The following YEATS2 variants were observed in gnomAD, a reference collection of about 807,000 sequenced individuals.
YEATS2 encodes the protein YEATS domain containing 2.
YEATS2 carries 77 observed loss-of-function variants against 163.2 expected under a neutral mutation model. The observed-to-expected ratio is 0.47, with a 90% CI of 0.39 to 0.57. YEATS2 has a LOEUF of 0.57. YEATS2 is among the 20% of genes least tolerant of loss of function. The probability of loss-of-function intolerance (pLI) is 0.00; values close to 1 mark genes in which losing one functional copy is unlikely to be tolerated. For missense variants in YEATS2, 1,549 were observed against 1,729.8 expected, an observed-to-expected ratio of 0.90 and a Z score of 1.85; for synonymous variants, 631 against 645.1, an observed-to-expected ratio of 0.98 and a Z score of 0.33.
chr3:183,722,832 T>G (rs1176973325), intron 5 of YEATS2, among the ~76,000 whole-genome samples: 1 of 152,024 alleles, frequency 6.6e-6, no homozygotes, highest in Non-Finnish European at 1.5e-5. Flanking sequence ...TTTTGTATTT[T>G]TAGTAGAGAC....
Position 183,798,957 on chromosome 3 carries a change from TC to T in YEATS2, c.3297del (p.Ser1100AlafsTer10). The T allele has an allele frequency of 6.2e-7, 1 of 1,614,186 alleles. No individual in the cohort carries two copies. The highest frequency in any genetic ancestry group is 8.5e-7 in the Non-Finnish European group (1 of 1,180,006). On this transcript the variant is annotated frameshift_variant, in exon 23 of 31. Coordinates refer to ENST00000305135, the MANE Select transcript of YEATS2 (RefSeq NM_018023.5). LOFTEE classifies it high-confidence loss of function. The part of the protein sequence containing the change: ...ILPVAAPTPV[V>X]PSSAPAAVAK... ...CCTGTAGCTGCCCCAACTCCAGTTG[TC>T]CCCAGCTCTGCTCCAGCAGCTGTTG...
At chr3:183,780,632 G>T (rs1246645308) in intron 19 of YEATS2, among the ~76,000 whole-genome samples, 1 of 152,162 alleles carries the variant, frequency 6.6e-6, no homozygotes, top group African/African-American at 2.4e-5. Context: ...AAATGTTTAT[G>T]CAGTGAACTC....
intron 1 of YEATS2, among the ~76,000 whole-genome samples, chr3:183,712,109 C>T (rs927590824): frequency 1.3e-5 from 2 of 151,194 alleles, no homozygotes; most frequent in Non-Finnish European, 2.9e-5. Flanking sequence ...TGAGCCACTG[C>T]ACCCGGCCTA....
In YEATS2 at chr3:183,760,313, A is replaced by ATTT. The variant is rs11417378; in HGVS notation, c.1657-1171_1657-1169dup. ...TTGAGAATTAAAGAGAAACTACAGAATTTTTTTTTTTTTTTTTTTTTTTTT... is the reference window on the plus strand; with the variant it reads ...TTGAGAATTAAAGAGAAACTACAGAATTTTTTTTTTTTTTTTTTTTTTTTTTTT... On this transcript the variant is annotated intron_variant, in intron 13 of 30. Coordinates refer to ENST00000305135, the MANE Select transcript of YEATS2 (RefSeq NM_018023.5). Among the ~76,000 whole-genome samples, 349 of 110,208 alleles carry ATTT rather than the reference A, an allele frequency of 3.2e-3. 7 individuals carry two copies. The highest frequency in any genetic ancestry group is 5.4e-3 in the Admixed American group (51 of 9,420). 72.3% of individuals were successfully genotyped at this position (110,208 alleles called of 152,430 possible). A position where few individuals can be genotyped will look rare whatever the true frequency, so the allele number is the denominator to read the frequency against.
At chr3:183,736,062 A>T (rs1383282057) in intron 7 of YEATS2, among the ~76,000 whole-genome samples, 2 of 152,182 alleles carry the variant, frequency 1.3e-5, no homozygotes, top group Admixed American at 1.3e-4. Flanking sequence ...TCATGTGCCC[A>T]TCACCAGTTA....
intron 24 of YEATS2, chr3:183,800,915 G>A (rs987081665): frequency 4.9e-6 from 1 of 203,768 alleles, no homozygotes; most frequent in Non-Finnish European, 1.0e-5. Flanking sequence ...TTGTGACTGG[G>A]TGTCCACACA....
rs767790900 is a variant in YEATS2 at position 183,806,981 on chromosome 3, C to T, written c.3900C>T (p.Ser1300=). ...NEEEVDILSL[S]EPVKINIKKE... is the part of the protein sequence containing the mutation. Reference sequence around the variant, plus strand: ...AGGAGGTGGACATCCTCAGCCTCTCCGAGCCAGTGAAGATAAACATCAAGA... The same window carrying T: ...AGGAGGTGGACATCCTCAGCCTCTCTGAGCCAGTGAAGATAAACATCAAGA... The change falls in exon 28 of 31, where the codon TCC becomes TCT. Residue 1300 remains serine, a synonymous_variant. Coordinates refer to ENST00000305135, the MANE Select transcript of YEATS2 (RefSeq NM_018023.5). The T allele has an allele frequency of 2.4e-5, 38 of 1,613,716 alleles. 1 individual carries two copies. Among genetic ancestry groups the T allele is most frequent in the South Asian group, 8.8e-5 (8 of 91,062 alleles).
At chr3:183,808,135 A>G (rs1322917357) in intron 29 of YEATS2, 31 bp downstream of exon 29, 5 of 1,544,022 alleles carry the variant, frequency 3.2e-6, no homozygotes, top group Non-Finnish European at 3.5e-6. Context: ...CCAGCCAGGA[A>G]GGATGGTTGC....
At chr3:183,809,045 C>T in intron 29 of YEATS2, 52 bp from the exon 30 acceptor site, 2 of 1,590,950 alleles carry the variant, frequency 1.3e-6, no homozygotes, top group Admixed American at 3.3e-5. Flanking sequence ...TGTGTCCCTT[C>T]TTGCCAGCAA....
chr3:183,699,391 A>G (rs1713825288), intron 1 of YEATS2, among the ~76,000 whole-genome samples: 1 of 151,742 alleles, frequency 6.6e-6, no homozygotes, highest in Admixed American at 6.6e-5. Flanking sequence ...CTGGAACTCA[A>G]GGAGGAGAGA....
Position 183,762,124 on chromosome 3 carries a change from G to A in YEATS2, c.1792G>A (p.Ala598Thr). The change falls in exon 15 of 31, where the codon GCC becomes ACC. Residue 598 changes from alanine to threonine, a missense_variant. Coordinates refer to ENST00000305135, the MANE Select transcript of YEATS2 (RefSeq NM_018023.5). ...GATCATCAAACAGGAACCTGGTGAA[G>A]CCCCTCACGTGCCCGCAACAGGAGC... Reference protein sequence around the residue: ...KVIIKQEPGEAPHVPATGAAS... With the variant: ...KVIIKQEPGETPHVPATGAAS... 1 of 1,614,140 alleles carries A rather than the reference G, an allele frequency of 6.2e-7. No individual in the cohort carries two copies. The highest frequency in any genetic ancestry group is 8.5e-7 in the Non-Finnish European group (1 of 1,180,022).
At chr3:183,774,411 C>G (rs527690970) in intron 17 of YEATS2, among the ~76,000 whole-genome samples, 1 of 152,082 alleles carries the variant, frequency 6.6e-6, no homozygotes, top group Non-Finnish European at 1.5e-5. Flanking sequence ...ACAATTTCTT[C>G]CCCAAACCAC....
chr3:183,808,889 A>C, intron 29 of YEATS2: 1 of 526,894 alleles, frequency 1.9e-6, no homozygotes, highest in South Asian at 2.3e-5. Flanking sequence ...ATGTCTGATT[A>C]ATGAAAATCA....
At chr3:183,808,735 A>G (rs572587271) in intron 29 of YEATS2, 139 of 183,284 alleles carry the variant, frequency 7.6e-4, no homozygotes, top group African/African-American at 3.1e-3. Context: ...CTCACCTGGT[A>G]ATCCCAGCTA....
Position 183,718,479 on chromosome 3 carries a change from T to C in YEATS2, c.199-21T>C, listed in dbSNP as rs1257011213. 1.9e-6 allele frequency: 3 copies of C among 1,593,394 alleles called. No individual in the cohort carries two copies. In the African/African-American group the frequency reaches 4.0e-5, roughly 21 times the overall value. ...TTATAATTGCCGTTTTTTAAAGTAATGAGTTAACATTTGTTTTTAGCGACT... is the reference window on the plus strand; with the variant it reads ...TTATAATTGCCGTTTTTTAAAGTAACGAGTTAACATTTGTTTTTAGCGACT... On this transcript the variant is annotated intron_variant, in intron 3 of 30. Coordinates refer to ENST00000305135, the MANE Select transcript of YEATS2 (RefSeq NM_018023.5).
At position 183,761,590 on chromosome 3, in the gene YEATS2, A is replaced by G; in HGVS notation, c.1740A>G (p.Thr580=). The G allele has an allele frequency of 6.2e-7, 1 of 1,614,148 alleles. No individual in the cohort carries two copies. Among genetic ancestry groups the G allele is most frequent in the Non-Finnish European group, 8.5e-7 (1 of 1,179,992 alleles). Residue 580 remains threonine, a synonymous_variant, in exon 14 of 31, where the codon ACA becomes ACG. Transcript: ENST00000305135. ...AGGTTCAAAGCCCCAAACCTATAAC[A>G]GGAGGACTTGGAGCTTTCACAAAAG... ...HPKVQSPKPI[T]GGLGAFTKVI...
intron 19 of YEATS2, among the ~76,000 whole-genome samples, chr3:183,778,021 A>T (rs920843599): frequency 1.3e-5 from 2 of 150,654 alleles, no homozygotes; most frequent in African/African-American, 4.9e-5. Context: ...CTAAGGCAGG[A>T]GAATCGCTTG....
At chr3:183,736,308 C>G (rs886965904) in intron 7 of YEATS2, among the ~76,000 whole-genome samples, 1 of 152,166 alleles carries the variant, frequency 6.6e-6, no homozygotes, top group Non-Finnish European at 1.5e-5. Context: ...GTTCATGATT[C>G]ATTTTGTTTC....
At chr3:183,808,408 T>C (rs1191006114) in intron 29 of YEATS2, among the ~76,000 whole-genome samples, 1 of 152,102 alleles carries the variant, frequency 6.6e-6, no homozygotes, top group African/African-American at 2.4e-5. Flanking sequence ...TCTGTACACG[T>C]CACAACAGCA....
Sources: gnomAD v4.1 joint callset for allele counts (sites outside exome capture counted in the v4.1 genomes callset) on GRCh38, gnomAD v4.1.1 for gene constraint, MANE v1.5 for transcripts, NCBI Gene and HGNC (gene_info 2026-07-23, HGNC 2026-07-21) for gene names.